Variants in EPDR1 observed in about 807,000 individuals in gnomAD.
EPDR1 encodes the protein ependymin related 1.
In EPDR1, 27 loss-of-function variants were observed where a neutral mutation model predicts 23.7. The ratio of observed to expected loss-of-function variants is 1.14; its 90% confidence interval spans 0.84 to 1.57. The LOEUF (loss-of-function observed/expected upper bound fraction) is 1.57, where lower values mean the gene tolerates loss of function less well. Among genes scored for constraint, EPDR1 ranks in the 40% most tolerant of loss-of-function variants. EPDR1 has a pLI of 0.00. For synonymous variants in EPDR1, 137 were observed against 118.2 expected (o/e 1.16, Z -1.03); for missense variants, 349 against 290.4 (o/e 1.20, Z -1.47).
At chr7:37,935,152 G>A (rs1271516086) in intron 1 of EPDR1, among the ~76,000 whole-genome samples, 1 of 152,038 alleles carries the variant, frequency 6.6e-6, no homozygotes, top group African/African-American at 2.4e-5. Context: ...GGTATCTACA[G>A]GGCTCCAATC....
intron 1 of EPDR1, among the ~76,000 whole-genome samples, chr7:37,930,671 C>A (rs1172655491): frequency 1.3e-5 from 2 of 152,352 alleles, no homozygotes; most frequent in African/African-American, 4.8e-5. Flanking sequence ...GAGGTCTCAA[C>A]TCTCCTTAAG....
At chr7:37,933,800 T>A (rs1364040044) in intron 1 of EPDR1, among the ~76,000 whole-genome samples, 2 of 152,238 alleles carry the variant, frequency 1.3e-5, no homozygotes, top group African/African-American at 4.8e-5. Context: ...GAGTGGTTTT[T>A]ATTCATTTCA....
At chr7:37,945,262 C>T (rs192954724) in intron 1 of EPDR1, among the ~76,000 whole-genome samples, 4 of 152,136 alleles carry the variant, frequency 2.6e-5, no homozygotes, top group Non-Finnish European at 5.9e-5. Context: ...ACCCTGCATG[C>T]ATATTATAAA....
At chr7:37,929,775 C>T (rs1277789493) in intron 1 of EPDR1, among the ~76,000 whole-genome samples, 1 of 152,186 alleles carries the variant, frequency 6.6e-6, no homozygotes, top group Non-Finnish European at 1.5e-5. Context: ...ACCACCACCT[C>T]CAGAGAGTGG....
intron 1 of EPDR1, among the ~76,000 whole-genome samples, chr7:37,928,228 T>C (rs1450918405): frequency 1.3e-5 from 2 of 152,242 alleles, no homozygotes; most frequent in African/African-American, 4.8e-5. Context: ...TTCCTGATTC[T>C]GACCTTGAGG....
intron 1 of EPDR1, among the ~76,000 whole-genome samples, chr7:37,930,095 A>G (rs576676188): frequency 6.6e-6 from 1 of 152,336 alleles, no homozygotes; most frequent in Admixed American, 6.5e-5. Context: ...AAAAGGATAT[A>G]CATGCCTTGG....
intron 1 of EPDR1, among the ~76,000 whole-genome samples, chr7:37,944,355 G>A (rs1458611500): frequency 6.6e-6 from 1 of 152,186 alleles, no homozygotes; most frequent in Admixed American, 6.5e-5. Flanking sequence ...CATGACACAG[G>A]TCGAGATGAA....
At chr7:37,939,702 G>A (rs1273932972) in intron 1 of EPDR1, among the ~76,000 whole-genome samples, 2 of 152,140 alleles carry the variant, frequency 1.3e-5, no homozygotes, top group African/African-American at 2.4e-5. Flanking sequence ...CCCTCTTATG[G>A]ATGTTATACT....
rs534029536 is a variant in EPDR1, at chr7:37,921,146, C to A, written c.207C>A (p.Tyr69Ter). 2 of 1,596,716 alleles carry A rather than the reference C, an allele frequency of 1.3e-6. No homozygotes were observed. The highest frequency in any genetic ancestry group is 1.7e-6 in the Non-Finnish European group (2 of 1,179,078). Residue 69 changes from tyrosine (Y) to a stop codon, truncating the protein, a stop_gained, in exon 1 of 3, where the codon TAC becomes TAA. Coordinates refer to ENST00000199448, the MANE Select transcript of EPDR1 (RefSeq NM_017549.5). LOFTEE classifies it high-confidence loss of function. ...GCAACAGCCGCGCCCTGCTCTCCTA[C>A]GACGGGCTCAACCAGCGCGTGCGGG... ...SGRNSRALLS[Y>*]DGLNQRVRVL...
intron 1 of EPDR1, among the ~76,000 whole-genome samples, chr7:37,929,298 C>G (rs1785882912): frequency 6.6e-6 from 1 of 152,194 alleles, no homozygotes; most frequent in Admixed American, 6.5e-5. Context: ...CACAATAAGG[C>G]TCCGTAAGGC....
intron 1 of EPDR1, among the ~76,000 whole-genome samples, chr7:37,925,562 T>C (rs1785796408): frequency 6.6e-6 from 1 of 152,140 alleles, no homozygotes; most frequent in Non-Finnish European, 1.5e-5. Context: ...AGCATTAACC[T>C]CTTTTTTAAA....
rs1786368135 is a variant in EPDR1, at chr7:37,950,197, T to C, written c.479-3T>C. The C allele has an allele frequency of 5.7e-6, 9 of 1,590,918 alleles. No homozygotes were observed. Among genetic ancestry groups the C allele is most frequent in the African/African-American group, 2.7e-5 (2 of 74,426 alleles). On this transcript the variant is annotated splice_region_variant and splice_polypyrimidine_tract_variant and intron_variant, in intron 2 of 2. Coordinates refer to ENST00000199448, the MANE Select transcript of EPDR1 (RefSeq NM_017549.5). Reference sequence around the variant, plus strand: ...TTAAAAGTCAACTTTTTTCCTCTTATAGATGAAACCTGGATTGGCATCTAT... The same window carrying C: ...TTAAAAGTCAACTTTTTTCCTCTTACAGATGAAACCTGGATTGGCATCTAT...
intron 1 of EPDR1, among the ~76,000 whole-genome samples, chr7:37,936,481 G>C (rs1786056073): frequency 1.3e-5 from 2 of 152,048 alleles, no homozygotes; most frequent in Admixed American, 6.5e-5. Flanking sequence ...TATAGACAGA[G>C]AAGACAAAGT....
chr7:37,948,178 A>G (rs1322106090), intron 1 of EPDR1, among the ~76,000 whole-genome samples: 1 of 151,856 alleles, frequency 6.6e-6, no homozygotes, highest in East Asian at 1.9e-4. Context: ...AATGCACCAC[A>G]CAAGAGTCAA....
intron 1 of EPDR1, among the ~76,000 whole-genome samples, chr7:37,936,053 G>A (rs1207073531): frequency 8.1e-5 from 7 of 86,488 alleles, no homozygotes; most frequent in Non-Finnish European, 1.5e-4. Flanking sequence ...CAAGGGAAAT[G>A]TGAATCTGTT....
chr7:37,948,898 A>T lies in EPDR1; in HGVS notation c.328A>T (p.Thr110Ser). 1 of 1,614,168 alleles carries T rather than the reference A, an allele frequency of 6.2e-7. No individual in the cohort carries two copies. Among genetic ancestry groups the T allele is most frequent in the Non-Finnish European group, 8.5e-7 (1 of 1,180,036 alleles). ...AGTGATGTTTCAGATTGACCAAGCC[A>T]CCAAGCAGTGCTCAAAGATGACCCT... ...DGVMFQIDQA[T>S]KQCSKMTLTQ... is the part of the protein sequence containing the mutation. The change falls in exon 2 of 3, where the codon ACC (threonine) becomes TCC (serine). Residue 110 changes from threonine to serine, a missense_variant. Physicochemically the swap from Thr to Ser is moderately conservative, Grantham distance 58 (BLOSUM62 1). Transcript: ENST00000199448.
Position 37,950,451 on chromosome 7 carries a change from G to A in EPDR1, c.*55G>A. ...ATGTCAGCCCCCTGCGGCCCCAGCT[G>A]GAGATGGATATGAGACTAGTCAAGA... is the stretch of plus-strand genomic sequence containing the variant. On this transcript the variant is annotated 3_prime_UTR_variant, in exon 3 of 3. Coordinates refer to ENST00000199448, the MANE Select transcript of EPDR1 (RefSeq NM_017549.5). 2.0e-6 allele frequency: 3 copies of A among 1,473,844 alleles called. No homozygotes were observed. The highest frequency in any genetic ancestry group is 1.3e-5 in the South Asian group (1 of 76,790). 91.3% of individuals were successfully genotyped at this position (1,473,844 alleles called of 1,614,324 possible).
chr7:37,931,408 G>A (rs77601616), intron 1 of EPDR1, among the ~76,000 whole-genome samples: 38,940 of 151,858 alleles, frequency 0.26, 4,989 homozygotes, highest in African/African-American at 0.3. Context: ...CAGCTACCCA[G>A]GAGGCTGAGG....
intron 1 of EPDR1, among the ~76,000 whole-genome samples, chr7:37,947,678 A>T (rs1034657501): frequency 6.6e-6 from 1 of 152,274 alleles, no homozygotes; most frequent in African/African-American, 2.4e-5. Context: ...TTCTGAGGTC[A>T]TGGCTGCAAG....
Sources: allele counts gnomAD v4.1 joint callset (sites outside exome capture counted in the v4.1 genomes callset), GRCh38; gene constraint gnomAD v4.1.1; transcripts MANE v1.5; gene names NCBI Gene and HGNC (gene_info 2026-07-23, HGNC 2026-07-21).